The following MYRIP variants were observed in gnomAD, a reference collection of about 807,000 sequenced individuals.
MYRIP encodes the protein rab effector MyRIP.
In MYRIP, 49 loss-of-function variants were observed where a neutral mutation model predicts 98.0. That is an observed-to-expected ratio of 0.50 (90% CI 0.40 to 0.63). The LOEUF (loss-of-function observed/expected upper bound fraction) is 0.63, where lower values mean the gene tolerates loss of function less well. Ranked by LOEUF, MYRIP falls within the 30% of genes least tolerant of loss-of-function variation. The pLI is 0.00. For missense variants in MYRIP, 1,004 were observed against 1,058.2 expected (o/e 0.95, Z 0.71); for synonymous variants, 404 against 409.5 (o/e 0.99, Z 0.16).
chr3:40,075,708 CAGTGTGT>C (rs953527958), intron 3 of MYRIP, among the ~76,000 whole-genome samples: 1 of 151,324 alleles, frequency 6.6e-6, no homozygotes, highest in African/African-American at 2.4e-5. Context: ...GGACATAGGC[CAGTGTGT>C]AGTATGGTCT....
intron 2 of MYRIP, among the ~76,000 whole-genome samples, chr3:39,991,437 G>A (rs1233589963): frequency 3.9e-5 from 6 of 152,224 alleles, no homozygotes; most frequent in Non-Finnish European, 8.8e-5. Context: ...GTGTTTTTGT[G>A]TGATGTGCTG....
chr3:39,969,182 C>T (rs1239617037), intron 2 of MYRIP, among the ~76,000 whole-genome samples: 10 of 152,054 alleles, frequency 6.6e-5, no homozygotes, highest in Middle Eastern at 3.4e-3. Flanking sequence ...TTTTGTATCC[C>T]GCAACTTTGC....
intron 2 of MYRIP, among the ~76,000 whole-genome samples, chr3:39,976,519 A>G (rs1442683459): frequency 6.6e-6 from 1 of 152,216 alleles, no homozygotes; most frequent in African/African-American, 2.4e-5. Flanking sequence ...TAGAAATACC[A>G]TTTGACCCAG....
chr3:40,116,786 G>A (rs1172397489), intron 3 of MYRIP, among the ~76,000 whole-genome samples: 3 of 152,206 alleles, frequency 2.0e-5, no homozygotes, highest in Non-Finnish European at 4.4e-5. Context: ...ACGGTTTGGG[G>A]TGTATCCCAA....
At chr3:40,184,336 A>G (rs1210497370) in intron 9 of MYRIP, among the ~76,000 whole-genome samples, 1 of 152,228 alleles carries the variant, frequency 6.6e-6, no homozygotes, top group East Asian at 1.9e-4. Context: ...ATCACTTTAA[A>G]ACATACAGAG....
Position 40,015,800 on chromosome 3 carries a change from TAAAAC to T in MYRIP, c.111-28249_111-28245del, listed in dbSNP as rs140179070. On this transcript the variant is annotated intron_variant, in intron 2 of 16. Coordinates refer to ENST00000302541, the MANE Select transcript of MYRIP (RefSeq NM_015460.4). Reference sequence around the variant, plus strand: ...GACATTATTATGATAATACTGTTGATAAAACTGAACAACACCTATAACCTAACATC... The same window carrying T: ...GACATTATTATGATAATACTGTTGATTGAACAACACCTATAACCTAACATC... Among the ~76,000 whole-genome samples the T allele has an allele frequency of 5.4e-4, 82 of 152,352 alleles. No homozygotes were observed. The East Asian group carries it at 0.013, about 24-fold the overall frequency.
intron 1 of MYRIP, among the ~76,000 whole-genome samples, chr3:39,876,130 T>A (rs1031404314): frequency 6.6e-6 from 1 of 152,198 alleles, no homozygotes; most frequent in Non-Finnish European, 1.5e-5. Context: ...TTTGTTGGTT[T>A]AAAGTCTGTT....
At chr3:39,865,638 C>T (rs1453053105) in intron 1 of MYRIP, among the ~76,000 whole-genome samples, 33 of 152,160 alleles carry the variant, frequency 2.2e-4, no homozygotes. Context: ...CCATCTCACA[C>T]CAGTCAGAAT....
intron 14 of MYRIP, 45 bp downstream of exon 14, chr3:40,250,371 G>C: frequency 6.2e-7 from 1 of 1,613,070 alleles, no homozygotes; most frequent in South Asian, 1.1e-5. Context: ...TACATGGCTT[G>C]GAAAATTTAG....
intron 3 of MYRIP, among the ~76,000 whole-genome samples, chr3:40,073,898 A>T (rs1948283693): frequency 6.6e-6 from 1 of 152,190 alleles, no homozygotes; most frequent in Non-Finnish European, 1.5e-5. Context: ...GGACCTTTCA[A>T]TTCTACTCTC....
chr3:39,961,179 C>T (rs1231476538), intron 2 of MYRIP, among the ~76,000 whole-genome samples: 2 of 151,982 alleles, frequency 1.3e-5, no homozygotes, highest in African/African-American at 4.8e-5. Flanking sequence ...AGTCAAGGAC[C>T]GTATTTCCCA....
At chr3:40,005,691 C>G (rs1249291161) in intron 2 of MYRIP, among the ~76,000 whole-genome samples, 1 of 152,130 alleles carries the variant, frequency 6.6e-6, no homozygotes, top group South Asian at 2.1e-4. Flanking sequence ...TTTTAGCATG[C>G]CAGTTGTATT....
chr3:40,115,293 A>G (rs927651031), intron 3 of MYRIP, among the ~76,000 whole-genome samples: 3 of 152,220 alleles, frequency 2.0e-5, no homozygotes, highest in Non-Finnish European at 4.4e-5. Flanking sequence ...GCTGCTATGA[A>G]GAAATACCTG....
intron 12 of MYRIP, among the ~76,000 whole-genome samples, chr3:40,240,243 C>T (rs1952964122): frequency 6.6e-6 from 1 of 152,100 alleles, no homozygotes; most frequent in South Asian, 2.1e-4. Flanking sequence ...TTTCTGAGGG[C>T]TCTGTTGTGT....
intron 11 of MYRIP, among the ~76,000 whole-genome samples, chr3:40,211,028 G>T (rs1951913391): frequency 6.6e-6 from 1 of 152,100 alleles, no homozygotes; most frequent in Admixed American, 6.6e-5. Flanking sequence ...TGTTCATTAG[G>T]TCCTTAAATA....
At chr3:40,169,489 C>T (rs1034616746) in intron 7 of MYRIP, among the ~76,000 whole-genome samples, 3 of 152,194 alleles carry the variant, frequency 2.0e-5, no homozygotes, top group Non-Finnish European at 4.4e-5. Flanking sequence ...CTTGATAGGG[C>T]TTCCAGATGC....
intron 3 of MYRIP, among the ~76,000 whole-genome samples, chr3:40,056,825 T>C (rs1173858666): frequency 6.6e-6 from 1 of 152,142 alleles, no homozygotes; most frequent in Non-Finnish European, 1.5e-5. Context: ...TTCCCGAAGT[T>C]GTCAGTCTGT....
At chr3:40,035,854 T>C (rs1186768736) in intron 2 of MYRIP, among the ~76,000 whole-genome samples, 1 of 151,960 alleles carries the variant, frequency 6.6e-6, no homozygotes, top group Non-Finnish European at 1.5e-5. Context: ...CATTAGAACT[T>C]CTGGAAATAT....
At chr3:39,918,203 C>T (rs1430154486) in intron 2 of MYRIP, among the ~76,000 whole-genome samples, 1 of 152,130 alleles carries the variant, frequency 6.6e-6, no homozygotes, top group Admixed American at 6.5e-5. Flanking sequence ...CATGAGCCAC[C>T]GCGCCCGGCC....
Sources: gnomAD v4.1 joint callset for allele counts (sites outside exome capture counted in the v4.1 genomes callset) on GRCh38, gnomAD v4.1.1 for gene constraint, MANE v1.5 for transcripts, NCBI Gene and HGNC (gene_info 2026-07-23, HGNC 2026-07-21) for gene names.